COL5A2: variants seen among roughly 807,000 people sequenced by gnomAD.
COL5A2 encodes collagen alpha-2(V) chain.
Under a neutral mutation model 208.2 loss-of-function variants are expected in COL5A2, and 23 were observed. The observed-to-expected ratio is 0.11, with a 90% confidence interval of 0.08 to 0.16. The LOEUF is 0.16. COL5A2 is among the 10% of genes least tolerant of loss of function. COL5A2 has a pLI of 1.00. For synonymous variants in COL5A2, 625 were observed against 628.5 expected, an observed-to-expected ratio of 0.99 and a Z score of 0.08; for missense variants, 1,590 against 1,956.4, an observed-to-expected ratio of 0.81 and a Z score of 3.53.
At chr2:189,073,945 C>A (rs911901237) in intron 17 of COL5A2, among the ~76,000 whole-genome samples, 82 of 152,246 alleles carry the variant, frequency 5.4e-4, no homozygotes, top group African/African-American at 1.7e-3. Flanking sequence ...TTCCACACAT[C>A]TCTTAGGATC....
the COL5A2 span, among the ~76,000 whole-genome samples, chr2:189,433,366 C>A: frequency 0.035 from 5,371 of 152,142 alleles, 113 homozygotes; most frequent in Admixed American, 0.05. Flanking sequence ...ACACAAAAGA[C>A]CCTTCAAAAA....
At chr2:189,339,612 T>G in the COL5A2 span, among the ~76,000 whole-genome samples, 2 of 152,134 alleles carry the variant, frequency 1.3e-5, no homozygotes, top group Admixed American at 1.3e-4. Context: ...AAGATCAGTC[T>G]CAAATTCATC....
At chr2:189,038,738 C>A (rs559567033) in intron 51 of COL5A2, among the ~76,000 whole-genome samples, 1 of 152,096 alleles carries the variant, frequency 6.6e-6, no homozygotes, top group Non-Finnish European at 1.5e-5. Flanking sequence ...CGCTCTGTCG[C>A]CCAGGCAGTG....
the COL5A2 span, among the ~76,000 whole-genome samples, chr2:189,434,012 G>A: frequency 6.6e-6 from 1 of 152,186 alleles, no homozygotes; most frequent in African/African-American, 2.4e-5. Context: ...TCCCTGGGAT[G>A]CAAGGCTGGT....
At position 189,100,284 on chromosome 2, in the gene COL5A2, A is replaced by G. The variant is rs879169392; in HGVS notation, c.337-145T>C. 16 of 671,278 alleles carry G rather than the reference A, an allele frequency of 2.4e-5. No individual in the cohort carries two copies. The South Asian group carries it at 2.9e-4, about 12-fold the overall frequency. The allele number at this position is 671,278 out of a possible 1,614,324, so 41.6% of individuals were successfully genotyped here. A position where few individuals can be genotyped will look rare whatever the true frequency, so the allele number is the denominator to read the frequency against. ...AAAAACTACAAAAAGAAAGTTAACA[A>G]TTTTTAGGATATTTAGTCAGATATT... On this transcript the variant is annotated intron_variant, in intron 3 of 53. Coordinates refer to ENST00000374866, the MANE Select transcript of COL5A2 (RefSeq NM_000393.5).
At chr2:189,336,676 G>A in the COL5A2 span, among the ~76,000 whole-genome samples, 1 of 152,208 alleles carries the variant, frequency 6.6e-6, no homozygotes, top group South Asian at 2.1e-4. Flanking sequence ...ACTAATCCAT[G>A]TTGTCTCTGG....
chr2:189,175,399 TA>T (rs1289493284), intron 1 of COL5A2, among the ~76,000 whole-genome samples: 1 of 151,522 alleles, frequency 6.6e-6, no homozygotes, highest in African/African-American at 2.4e-5. Context: ...TTTAGGACCA[TA>T]AAAATAAATT....
chr2:189,429,504 T>G, the COL5A2 span, among the ~76,000 whole-genome samples: 1 of 152,226 alleles, frequency 6.6e-6, no homozygotes, highest in Non-Finnish European at 1.5e-5. Context: ...CAGTTTCACC[T>G]TCATTGCTTA....
chr2:189,167,932 G>C (rs1040746425), intron 1 of COL5A2, among the ~76,000 whole-genome samples: 2 of 146,444 alleles, frequency 1.4e-5, no homozygotes, highest in African/African-American at 4.9e-5. Flanking sequence ...TTTTTTCCCA[G>C]TACAAACTCC....
At chr2:189,172,168 T>C (rs1047653555) in intron 1 of COL5A2, among the ~76,000 whole-genome samples, 2 of 152,058 alleles carry the variant, frequency 1.3e-5, no homozygotes, top group African/African-American at 4.8e-5. Flanking sequence ...GAATAAAGAC[T>C]GGGTGGGAGC....
the COL5A2 span, among the ~76,000 whole-genome samples, chr2:189,421,994 G>A: frequency 6.6e-6 from 1 of 152,166 alleles, no homozygotes; most frequent in Non-Finnish European, 1.5e-5. Context: ...AGCCATACCA[G>A]ATGATCTGCC....
the COL5A2 span, among the ~76,000 whole-genome samples, chr2:189,233,801 T>C: frequency 3.3e-5 from 5 of 151,498 alleles, no homozygotes; most frequent in African/African-American, 4.8e-5. Context: ...ACCAATACAG[T>C]GTGCTGTGTT....
At chr2:189,433,132 A>G in the COL5A2 span, among the ~76,000 whole-genome samples, 1 of 152,218 alleles carries the variant, frequency 6.6e-6, no homozygotes, top group South Asian at 2.1e-4. Flanking sequence ...TTTGAAACCA[A>G]TGAGAACAAA....
the COL5A2 span, among the ~76,000 whole-genome samples, chr2:189,236,133 T>C: frequency 4.0e-5 from 6 of 151,892 alleles, no homozygotes; most frequent in Admixed American, 2.6e-4. Flanking sequence ...GAGAAGACTC[T>C]GGGAACTTGC....
the COL5A2 span, among the ~76,000 whole-genome samples, chr2:189,313,127 C>T: frequency 1.5e-3 from 234 of 151,946 alleles, no homozygotes; most frequent in African/African-American, 5.2e-3. Context: ...TTGAAGACTG[C>T]CTGTCTGACA....
chr2:189,334,723 A>G, the COL5A2 span, among the ~76,000 whole-genome samples: 1 of 152,170 alleles, frequency 6.6e-6, no homozygotes, highest in East Asian at 1.9e-4. Context: ...ACAAAATACA[A>G]GCAGTTTCTA....
At chr2:189,342,775 T>C in the COL5A2 span, among the ~76,000 whole-genome samples, 1 of 151,876 alleles carries the variant, frequency 6.6e-6, no homozygotes, top group African/African-American at 2.4e-5. Context: ...CTTTAGGCAC[T>C]TGGCAAGTAA....
In COL5A2 at chr2:189,072,946, T is replaced by C. The variant is rs571394174; in HGVS notation, c.1105-853A>G. Among the ~76,000 whole-genome samples, 5 of 152,180 alleles carry C rather than the reference T, an allele frequency of 3.3e-5. No individual in the cohort carries two copies. In the South Asian group the frequency reaches 8.3e-4, roughly 25 times the overall value. On this transcript the variant is annotated intron_variant, in intron 17 of 53. Coordinates refer to ENST00000374866, the MANE Select transcript of COL5A2 (RefSeq NM_000393.5). ...TAAAAGGAATTCTAGTACAGATTAC[T>C]CTAACTCTAAGGATTGTACTTTAGT...
intron 3 of COL5A2, among the ~76,000 whole-genome samples, chr2:189,101,357 A>T (rs990786061): frequency 2.0e-5 from 3 of 151,890 alleles, no homozygotes; most frequent in African/African-American, 7.3e-5. Context: ...CCTACTCAAC[A>T]CCCCGGAGAT....
Sources: gnomAD v4.1 joint callset for allele counts (sites outside exome capture counted in the v4.1 genomes callset) on GRCh38, gnomAD v4.1.1 for gene constraint, MANE v1.5 for transcripts, NCBI Gene and HGNC (gene_info 2026-07-23, HGNC 2026-07-21) for gene names.